Variants in ORC1 observed in about 807,000 individuals in gnomAD.
ORC1 encodes the protein origin recognition complex subunit 1, also known as origin recognition complex, subunit 1 homolog.
In ORC1, 61 loss-of-function variants were observed where a neutral mutation model predicts 98.9. The observed-to-expected ratio is 0.62, with a 90% CI of 0.50 to 0.76. The LOEUF is 0.76. Among genes scored for constraint, ORC1 ranks in the 30% least tolerant of loss-of-function variants. The pLI is 0.00. For synonymous variants in ORC1, 385 were observed against 406.9 expected (o/e 0.95, Z 0.65); for missense variants, 979 against 1,072.2 (o/e 0.91, Z 1.21).
At chr1:52,408,712 C>T (rs1251330093), upstream of ORC1, 1 of 1,610,462 alleles carries the variant, frequency 6.2e-7, no homozygotes, top group Middle Eastern at 1.7e-4. Context: ...GCTAAGTCTC[C>T]TGATTGTCAT....
At position 52,393,613 on chromosome 1, in the gene ORC1, A is replaced by G; in HGVS notation, c.912T>C (p.Thr304=). ...EKTRETGLSY[T]EDDKKASPEH... is the part of the protein sequence containing the mutation. ...CAGGTGAAGCCTTCTTGTCATCCTC[A>G]GTATAAGAGAGTCCAGTCTCTCTGG... is the stretch of plus-strand genomic sequence containing the variant. Residue 304 remains threonine (T), a synonymous_variant, in exon 6 of 17, where the codon ACT becomes ACC. Coordinates refer to ENST00000371568, the MANE Select transcript of ORC1 (RefSeq NM_004153.4). The G allele has an allele frequency of 6.2e-7, 1 of 1,614,172 alleles. No individual in the cohort carries two copies. The highest frequency in any genetic ancestry group is 8.5e-7 in the Non-Finnish European group (1 of 1,180,022).
At chr1:52,387,474 T>C (rs370662612) in intron 8 of ORC1, among the ~76,000 whole-genome samples, 1 of 152,004 alleles carries the variant, frequency 6.6e-6, no homozygotes, top group East Asian at 1.9e-4. Context: ...TTCTTTTTTC[T>C]TGAGATAGAG....
chr1:52,394,282 A>C (rs961084353), intron 5 of ORC1, among the ~76,000 whole-genome samples: 1 of 152,240 alleles, frequency 6.6e-6, no homozygotes, highest in African/African-American at 2.4e-5. Flanking sequence ...CTGTGAATAC[A>C]CAAAACTGTC....
upstream of ORC1, chr1:52,404,567 G>A: frequency 1.8e-6 from 1 of 565,904 alleles, no homozygotes. Flanking sequence ...CGCCATCATT[G>A]ATTCGATAGG....
chr1:52,396,308 T>C lies in ORC1; in HGVS notation c.459A>G (p.Thr153=). 1.2e-6 allele frequency: 2 copies of C among 1,613,690 alleles called. No individual in the cohort carries two copies. Among genetic ancestry groups the C allele is most frequent in the Middle Eastern group, 1.6e-4 (1 of 6,062 alleles). Residue 153 remains threonine, a synonymous_variant, in exon 5 of 17, where the codon ACA becomes ACG. Coordinates refer to ENST00000371568, the MANE Select transcript of ORC1 (RefSeq NM_004153.4). ...VVPTNLKNEK[T]LFVKLSWNEK... is the part of the protein sequence containing the mutation. ...CATTCCAGGATAGTTTCACAAAGAGTGTCTTCTCATTTTTCAGATTCGTCG... is the reference window on the plus strand; with the variant it reads ...CATTCCAGGATAGTTTCACAAAGAGCGTCTTCTCATTTTTCAGATTCGTCG...
chr1:52,377,229 A>C (rs1647005245), intron 14 of ORC1, among the ~76,000 whole-genome samples: 1 of 151,878 alleles, frequency 6.6e-6, no homozygotes, highest in Admixed American at 6.6e-5. Context: ...TCACCCTCCC[A>C]AAGTGCTGGG....
intron 14 of ORC1, 102 bp from the exon 15 acceptor site, chr1:52,375,701 TAGCCCTGGCAGGG>T: frequency 9.1e-7 from 1 of 1,101,212 alleles, no homozygotes. Context: ...GTTAAGTACT[TAGCCCTGGCAGGG>T]AACCTGGAGG....
Position 52,402,243 on chromosome 1 carries a change from A to C in ORC1, c.-5-15T>G, listed in dbSNP as rs910960622. ...TGCCATGGCTTCTGTGGAAGAGTCCAAACTCTGAGTTACCATGATAAATAT... is the reference window on the plus strand; with the variant it reads ...TGCCATGGCTTCTGTGGAAGAGTCCCAACTCTGAGTTACCATGATAAATAT... On this transcript the variant is annotated splice_polypyrimidine_tract_variant and intron_variant, in intron 1 of 16. Coordinates refer to ENST00000371568, the MANE Select transcript of ORC1 (RefSeq NM_004153.4). 3.4e-5 allele frequency: 54 copies of C among 1,571,478 alleles called. No homozygotes were observed. Among genetic ancestry groups the C allele is most frequent in the Non-Finnish European group, 4.5e-5 (51 of 1,141,326 alleles).
chr1:52,395,969 T>C, intron 5 of ORC1, 77 bp downstream of exon 5: 7 of 1,593,902 alleles, frequency 4.4e-6, no homozygotes, highest in Non-Finnish European at 6.0e-6. Flanking sequence ...AACTCAATAC[T>C]TTCCCATAAA....
At position 52,388,536 on chromosome 1, in the gene ORC1, G is replaced by C; in HGVS notation, c.1289C>G (p.Pro430Arg). The C allele has an allele frequency of 6.2e-7, 1 of 1,614,114 alleles. No homozygotes were observed. Among genetic ancestry groups the C allele is most frequent in the South Asian group, 1.1e-5 (1 of 91,080 alleles). Residue 430 changes from proline (P) to arginine (R), a missense_variant, in exon 8 of 17, where the codon CCC (proline) becomes CGC (arginine). By Grantham distance (103) the Pro-to-Arg change is moderately radical. Transcript: ENST00000371568. ...SSDEEEASTP[P>R]LPRRAPRTVS... is the part of the protein sequence containing the mutation. Reference sequence around the variant, plus strand: ...AGTTCTGGGTGCTCTCCTTGGAAGGGGCGGTGTGGAAGCCTCTTCTTCGTC... The same window carrying C: ...AGTTCTGGGTGCTCTCCTTGGAAGGCGCGGTGTGGAAGCCTCTTCTTCGTC...
chr1:52,386,005 A>G (rs1320489821), intron 8 of ORC1, 56 bp from the exon 9 acceptor site: 2 of 1,238,114 alleles, frequency 1.6e-6, no homozygotes, highest in Admixed American at 1.8e-5. Flanking sequence ...ACCATCCAGG[A>G]CACACCAGCA....
upstream of ORC1, chr1:52,408,389 T>G: frequency 1.3e-6 from 1 of 768,288 alleles, no homozygotes; most frequent in Non-Finnish European, 2.3e-6. Flanking sequence ...CATGGGAACT[T>G]GAACTCAGGT....
intron 3 of ORC1, among the ~76,000 whole-genome samples, chr1:52,398,346 C>T (rs1647524712): frequency 6.6e-6 from 1 of 151,966 alleles, no homozygotes; most frequent in African/African-American, 2.4e-5. Flanking sequence ...TCACTGCAAC[C>T]TCTGCCTCCC....
At chr1:52,382,878 C>A (rs539288556) in intron 13 of ORC1, among the ~76,000 whole-genome samples, 1 of 151,572 alleles carries the variant, frequency 6.6e-6, no homozygotes, top group African/African-American at 2.4e-5. Flanking sequence ...CTGTGCCCAG[C>A]CTAAAACATT....
intron 13 of ORC1, among the ~76,000 whole-genome samples, chr1:52,382,026 T>C (rs1647077458): frequency 6.6e-6 from 1 of 152,212 alleles, no homozygotes; most frequent in Non-Finnish European, 1.5e-5. Flanking sequence ...TTGCCCAGGC[T>C]ACCGTGCAGT....
chr1:52,373,488 C>T, intron 16 of ORC1, 113 bp from the exon 17 acceptor site: 1 of 895,302 alleles, frequency 1.1e-6, no homozygotes, highest in Non-Finnish European at 1.8e-6. Flanking sequence ...GGATATCAAA[C>T]ACTCCAGAAG....
At chr1:52,389,431 T>TAC in intron 6 of ORC1, 110 bp from the exon 7 acceptor site, 1 of 757,876 alleles carries the variant, frequency 1.3e-6, no homozygotes, top group South Asian at 1.5e-5. Flanking sequence ...TTTTTATATA[T>TAC]ACTTTGAAAA....
chr1:52,401,542 C>T lies in ORC1; in HGVS notation c.96-53G>A, dbSNP rs1323115634. 3 of 1,602,768 alleles carry T rather than the reference C, an allele frequency of 1.9e-6. No individual in the cohort carries two copies. In the East Asian group the frequency reaches 6.7e-5, roughly 36 times the overall value. On this transcript the variant is annotated intron_variant, in intron 2 of 16. Coordinates refer to ENST00000371568, the MANE Select transcript of ORC1 (RefSeq NM_004153.4). The stretch of plus-strand genomic sequence containing the variant: ...GAAATAACTTAAAGTGGGTCAAGCT[C>T]TTCAGATCCCCTGGGCACAAAGGAG...
At chr1:52,402,874 G>A (rs1284888102) in intron 1 of ORC1, among the ~76,000 whole-genome samples, 1 of 152,158 alleles carries the variant, frequency 6.6e-6, no homozygotes, top group African/African-American at 2.4e-5. Flanking sequence ...TCTAGTCTGG[G>A]TGACAGAGCA....
Sources: allele counts gnomAD v4.1 joint callset (sites outside exome capture counted in the v4.1 genomes callset), GRCh38; gene constraint gnomAD v4.1.1; transcripts MANE v1.5; gene names NCBI Gene and HGNC (gene_info 2026-07-23, HGNC 2026-07-21).